Variants in CACNA1C observed in about 807,000 individuals in gnomAD.
CACNA1C encodes the protein voltage-dependent L-type calcium channel subunit alpha-1C.
Under a neutral mutation model 229.0 loss-of-function variants are expected in CACNA1C, and 30 were observed. The observed-to-expected ratio is 0.13, with a 90% confidence interval of 0.10 to 0.18. The LOEUF is 0.18. Ranked by LOEUF, CACNA1C falls within the 10% of genes least tolerant of loss-of-function variation. The probability of loss-of-function intolerance (pLI) is 1.00; values close to 1 mark genes in which losing one functional copy is unlikely to be tolerated. For synonymous variants in CACNA1C, 1,114 were observed against 1,132.5 expected (o/e 0.98, Z 0.33); for missense variants, 1,658 against 2,845.0 (o/e 0.58, Z 9.49).
chr12:2,550,170 A>C, intron 10 of CACNA1C, 137 bp downstream of exon 10: 2 of 707,146 alleles, frequency 2.8e-6, no homozygotes, highest in Non-Finnish European at 4.9e-6. Flanking sequence ...AACAAACCTC[A>C]GGTGGGAACC....
In CACNA1C at chr12:2,665,118, T is replaced by G. The variant is rs144303611; in HGVS notation, c.4398+128T>G. ...GAGGAGCTGGCTTGGGAAGACTAAG[T>G]TGGCAGGAGTGTCCAGCCACATGGA... On this transcript the variant is annotated intron_variant, in intron 35 of 46. Transcript: ENST00000399655. This position sits in a 1 kb window ranked among gnomAD's most constrained non-coding sequence, Gnocchi z 5.9. 102 of 921,156 alleles carry G rather than the reference T, an allele frequency of 1.1e-4. No individual in the cohort carries two copies. The highest frequency in any genetic ancestry group is 1.6e-4 in the Non-Finnish European group (94 of 605,794). 57.1% of individuals were successfully genotyped at this position (921,156 alleles called of 1,614,324 possible). A position where few individuals can be genotyped will look rare whatever the true frequency, so the allele number is the denominator to read the frequency against.
chr12:2,098,967 C>A lies in CACNA1C; in HGVS notation c.50-16257C>A, dbSNP rs574892416. Among the ~76,000 whole-genome samples, 105 of 152,286 alleles carry A rather than the reference C, an allele frequency of 6.9e-4. 1 individual carries two copies. Among genetic ancestry groups the A allele is most frequent in the African/African-American group, 2.3e-3 (95 of 41,556 alleles). On this transcript the variant is annotated intron_variant, in intron 1 of 46. Coordinates refer to ENST00000399655, the MANE Select transcript of CACNA1C (RefSeq NM_000719.7). ...CACTTGGCACTGGTAGCACTGCTCA[C>A]CGTGTGAGGGGCGGCCGTAGAGCTA...
intron 9 of CACNA1C, among the ~76,000 whole-genome samples, chr12:2,515,352 A>G (rs2099794344): frequency 6.6e-6 from 1 of 152,208 alleles, no homozygotes; most frequent in African/African-American, 2.4e-5. Context: ...GGCCTAATTC[A>G]CTTGCAAAAA....
At chr12:2,370,295 A>G (rs1172886115) in intron 3 of CACNA1C, among the ~76,000 whole-genome samples, 2 of 152,254 alleles carry the variant, frequency 1.3e-5, no homozygotes, top group African/African-American at 4.8e-5. Flanking sequence ...CAATTTAGCA[A>G]TGCATATCAA....
intron 9 of CACNA1C, 148 bp from the exon 10 acceptor site, chr12:2,549,795 T>C: frequency 1.5e-6 from 1 of 650,838 alleles, no homozygotes. Context: ...CAAGGGGATC[T>C]GTGCAGATCA....
chr12:2,152,101 G>A lies in CACNA1C; in HGVS notation c.477+31671G>A, dbSNP rs1013316283. On this transcript the variant is annotated intron_variant, in intron 3 of 46. Coordinates refer to ENST00000399655, the MANE Select transcript of CACNA1C (RefSeq NM_000719.7). The surrounding 1 kb of genome is among the most constrained non-coding windows in gnomAD (Gnocchi z 4.2). Reference sequence around the variant, plus strand: ...GGTCATTTAGTTTCAGGAAAACATCGATGGTGCCCTTCCCTAGATAGCTGC... The same window carrying A: ...GGTCATTTAGTTTCAGGAAAACATCAATGGTGCCCTTCCCTAGATAGCTGC... 3.9e-5 allele frequency among the ~76,000 whole-genome samples: 6 copies of A among 152,210 alleles called. No homozygotes were observed. The highest frequency in any genetic ancestry group is 7.3e-5 in the Non-Finnish European group (5 of 68,036).
chr12:2,457,136 G>T (rs112909584), intron 4 of CACNA1C, among the ~76,000 whole-genome samples: 1 of 152,194 alleles, frequency 6.6e-6, no homozygotes, highest in Non-Finnish European at 1.5e-5. Context: ...AGTCAAAGAG[G>T]GGGGGTATCT....
At chr12:2,235,110 A>G (rs1028326487) in intron 3 of CACNA1C, among the ~76,000 whole-genome samples, 1 of 152,122 alleles carries the variant, frequency 6.6e-6, no homozygotes, top group Non-Finnish European at 1.5e-5. Context: ...CAGTGTCTCT[A>G]TACGTGGCTC....
Position 2,634,686 on chromosome 12 carries a change from G to A in CACNA1C, c.3912+306G>A, listed in dbSNP as rs148317964. Among the ~76,000 whole-genome samples, 7 of 152,014 alleles carry A rather than the reference G, an allele frequency of 4.6e-5. 1 individual carries two copies. Among genetic ancestry groups the A allele is most frequent in the Non-Finnish European group, 1.0e-4 (7 of 67,988 alleles). On this transcript the variant is annotated intron_variant, in intron 30 of 46. Coordinates refer to ENST00000399655, the MANE Select transcript of CACNA1C (RefSeq NM_000719.7). ...ACACTGTATCGGAGGAAGCAGCTCT[G>A]GGAGCTGTGGAGTGAGAACATGAGG...
chr12:2,123,339 G>A (rs1034679899), intron 3 of CACNA1C, among the ~76,000 whole-genome samples: 11 of 128,166 alleles, frequency 8.6e-5, no homozygotes, highest in Non-Finnish European at 1.2e-4. Context: ...TCGCGCCACC[G>A]CACTCCAGCC....
chr12:2,150,537 GA>G (rs2095148923), intron 3 of CACNA1C, among the ~76,000 whole-genome samples: 1 of 152,216 alleles, frequency 6.6e-6, no homozygotes, highest in Non-Finnish European at 1.5e-5. Flanking sequence ...CCAGGCTACA[GA>G]GCAGCTTTGA....
At chr12:2,282,029 CT>C (rs1233124627) in intron 3 of CACNA1C, among the ~76,000 whole-genome samples, 1 of 151,978 alleles carries the variant, frequency 6.6e-6, no homozygotes, top group African/African-American at 2.4e-5. Context: ...TGAATCTTCT[CT>C]TTTTTTGCCA....
At chr12:2,648,422 G>C in intron 30 of CACNA1C, 53 bp from the exon 31 acceptor site, 2 of 1,543,784 alleles carry the variant, frequency 1.3e-6, no homozygotes, top group Non-Finnish European at 1.8e-6. Context: ...AGAATACCGG[G>C]CATCTTCATG....
rs117270078 is a variant in CACNA1C, at chr12:2,150,528, C to T, written c.477+30098C>T. Among the ~76,000 whole-genome samples, 54 of 152,320 alleles carry T rather than the reference C, an allele frequency of 3.5e-4. No homozygotes were observed. The East Asian group carries it at 9.6e-3, about 27-fold the overall frequency. On this transcript the variant is annotated intron_variant, in intron 3 of 46. Coordinates refer to ENST00000399655, the MANE Select transcript of CACNA1C (RefSeq NM_000719.7). ...CCTCTTAATTCCCAAACAGGGCTCC[C>T]AGGCTACAGAGCAGCTTTGATAACA...
At chr12:2,256,546 G>T (rs867767920) in intron 3 of CACNA1C, among the ~76,000 whole-genome samples, 2 of 152,152 alleles carry the variant, frequency 1.3e-5, no homozygotes, top group Non-Finnish European at 1.5e-5. Context: ...CCTGATGAGC[G>T]TACAGGGTTC....
chr12:2,280,117 C>T (rs1376226746), intron 3 of CACNA1C, among the ~76,000 whole-genome samples: 1 of 152,188 alleles, frequency 6.6e-6, no homozygotes, highest in Non-Finnish European at 1.5e-5. Context: ...GCTGTTGATG[C>T]CTTGCTGTGC....
At chr12:2,191,349 C>T (rs1369230002) in intron 3 of CACNA1C, among the ~76,000 whole-genome samples, 3 of 152,232 alleles carry the variant, frequency 2.0e-5, no homozygotes, top group Middle Eastern at 3.4e-3. Flanking sequence ...TGTCTGTCTC[C>T]GCACATCTTC....
intron 29 of CACNA1C, among the ~76,000 whole-genome samples, chr12:2,617,010 G>A (rs967906828): frequency 2.6e-5 from 4 of 152,274 alleles, no homozygotes; most frequent in South Asian, 2.1e-4. Flanking sequence ...TGGGGCAGCA[G>A]TTCAGTTGCC....
At chr12:2,150,651 G>A (rs1044596962) in intron 3 of CACNA1C, among the ~76,000 whole-genome samples, 3 of 152,162 alleles carry the variant, frequency 2.0e-5, no homozygotes, top group African/African-American at 7.2e-5. Context: ...GGCATTTGGC[G>A]AAAAACACGT....
Sources: allele counts gnomAD v4.1 joint callset (sites outside exome capture counted in the v4.1 genomes callset), GRCh38; gene constraint gnomAD v4.1.1; non-coding constraint Gnocchi (gnomAD v3.1); transcripts MANE v1.5; gene names NCBI Gene and HGNC (gene_info 2026-07-23, HGNC 2026-07-21).